The following ATP2B2 variants were observed in gnomAD, a reference collection of about 807,000 sequenced individuals.
ATP2B2 encodes the protein plasma membrane calcium-transporting ATPase 2.
A neutral mutation model predicts 120.0 loss-of-function variants in ATP2B2; 15 were observed. That is an observed-to-expected ratio of 0.12 (90% confidence interval 0.08 to 0.19). ATP2B2 has a LOEUF of 0.19. ATP2B2 is among the 10% of genes least tolerant of loss of function. The pLI is 1.00. For synonymous variants in ATP2B2, 694 were observed against 700.3 expected (o/e 0.99, Z 0.14); for missense variants, 1,045 against 1,719.8 (o/e 0.61, Z 6.94).
intron 22 of ATP2B2, among the ~76,000 whole-genome samples, chr3:10,334,981 G>A (rs756112539): frequency 1.3e-5 from 2 of 152,218 alleles, no homozygotes; most frequent in South Asian, 2.1e-4. Context: ...GATCAGAAGC[G>A]CCTGACTGGA....
chr3:10,383,856 T>C (rs1222715537), intron 8 of ATP2B2, among the ~76,000 whole-genome samples: 2 of 152,222 alleles, frequency 1.3e-5, no homozygotes, highest in Non-Finnish European at 1.5e-5. Flanking sequence ...CTGCCCTTTT[T>C]TCTGAGACTG....
At chr3:10,363,886 C>T (rs1387030887) in intron 12 of ATP2B2, among the ~76,000 whole-genome samples, 1 of 152,076 alleles carries the variant, frequency 6.6e-6, no homozygotes, top group Non-Finnish European at 1.5e-5. Flanking sequence ...GGGAATATGC[C>T]CCAAATAATT....
chr3:10,625,594 G>C (rs370479488), intron 1 of ATP2B2, among the ~76,000 whole-genome samples: 4 of 152,202 alleles, frequency 2.6e-5, no homozygotes, highest in African/African-American at 7.2e-5. Context: ...TTGTGGAGGA[G>C]GGGGAGGTGT....
chr3:10,403,842 A>G (rs557603882), intron 3 of ATP2B2, among the ~76,000 whole-genome samples: 21 of 152,298 alleles, frequency 1.4e-4, no homozygotes, highest in Non-Finnish European at 2.8e-4. Context: ...TTGGATCCAG[A>G]TCTGGGATCT....
chr3:10,698,871 T>C (rs939189516), intron 1 of ATP2B2, among the ~76,000 whole-genome samples: 6 of 152,240 alleles, frequency 3.9e-5, no homozygotes, highest in Admixed American at 2.0e-4. Context: ...AGGGTGGTGG[T>C]GAGGCTCCAA....
At chr3:10,542,758 G>C (rs1200079046) in intron 2 of ATP2B2, among the ~76,000 whole-genome samples, 1 of 152,164 alleles carries the variant, frequency 6.6e-6, no homozygotes, top group Admixed American at 6.5e-5. Flanking sequence ...CTGCCTTCAA[G>C]ATTTTTGTTT....
rs548573176 is a variant in ATP2B2 at position 10,358,537 on chromosome 3, G to T, written c.2136+154C>A. Among the ~76,000 whole-genome samples, 3 of 152,328 alleles carry T rather than the reference G, an allele frequency of 2.0e-5. No individual in the cohort carries two copies. In the East Asian group the frequency reaches 5.8e-4, roughly 29 times the overall value. On this transcript the variant is annotated intron_variant, in intron 14 of 22. Coordinates refer to ENST00000360273, the MANE Select transcript of ATP2B2 (RefSeq NM_001001331.4). Reference sequence around the variant, plus strand: ...ATGTGGTCTACACTGTTTCTCATGGGCAATCCTCTTATGAGGATCAAGGAA... The same window carrying T: ...ATGTGGTCTACACTGTTTCTCATGGTCAATCCTCTTATGAGGATCAAGGAA...
chr3:10,438,208 C>T (rs1464521856), intron 2 of ATP2B2, among the ~76,000 whole-genome samples: 2 of 152,188 alleles, frequency 1.3e-5, no homozygotes, highest in Non-Finnish European at 2.9e-5. Context: ...CCTTCCAGAC[C>T]TGTTGTCTCA....
At chr3:10,468,177 T>C (rs1351685282) in intron 1 of ATP2B2, among the ~76,000 whole-genome samples, 1 of 152,198 alleles carries the variant, frequency 6.6e-6, no homozygotes, top group Non-Finnish European at 1.5e-5. Context: ...CCAGTGTCCA[T>C]GTGGGCTGTG....
chr3:10,507,932 G>A (rs999421231), upstream of ATP2B2, among the ~76,000 whole-genome samples: 6 of 116,592 alleles, frequency 5.1e-5, no homozygotes, highest in East Asian at 3.5e-4. Flanking sequence ...GCCTGCATGC[G>A]CAGGCCATCA....
chr3:10,557,561 G>A (rs1328985758), intron 2 of ATP2B2, among the ~76,000 whole-genome samples: 5 of 152,178 alleles, frequency 3.3e-5, no homozygotes, highest in African/African-American at 9.7e-5. Flanking sequence ...AGAGGAGCAG[G>A]CACTGGAGCT....
intron 2 of ATP2B2, among the ~76,000 whole-genome samples, chr3:10,596,313 G>A (rs1193182305): frequency 6.6e-6 from 1 of 152,174 alleles, no homozygotes; most frequent in Non-Finnish European, 1.5e-5. Context: ...TAGAACCAAA[G>A]TTCTATGAGG....
At chr3:10,707,307 G>A (rs1033470499) in intron 1 of ATP2B2, among the ~76,000 whole-genome samples, 1 of 152,208 alleles carries the variant, frequency 6.6e-6, no homozygotes, top group African/African-American at 2.4e-5. Context: ...CAGGAGGAGG[G>A]GAGCTAGGAA....
intron 1 of ATP2B2, among the ~76,000 whole-genome samples, chr3:10,673,826 A>AG (rs1198109428): frequency 1.3e-5 from 2 of 150,724 alleles, no homozygotes; most frequent in East Asian, 3.9e-4. Flanking sequence ...AAAAAAAAAA[A>AG]AAGAAGGAAA....
chr3:10,599,085 C>T (rs986762859), intron 2 of ATP2B2, among the ~76,000 whole-genome samples: 3 of 152,316 alleles, frequency 2.0e-5, no homozygotes, highest in South Asian at 2.1e-4. Flanking sequence ...CCAGGGGGAG[C>T]GGAAGCAAGC....
At chr3:10,570,138 T>C (rs1228948370) in intron 2 of ATP2B2, 1 of 152,238 alleles carries the variant, frequency 6.6e-6, no homozygotes, top group Non-Finnish European at 1.5e-5. Context: ...TTGAAGAAGC[T>C]GCAGATGCCT....
At chr3:10,444,409 C>T (rs948230388) in intron 2 of ATP2B2, among the ~76,000 whole-genome samples, 4 of 152,222 alleles carry the variant, frequency 2.6e-5, no homozygotes, top group African/African-American at 2.4e-5. Context: ...GCCCCATGGA[C>T]GTTCTCGTTC....
chr3:10,535,303 T>G (rs12714854), intron 2 of ATP2B2, among the ~76,000 whole-genome samples: 34,070 of 151,976 alleles, frequency 0.22, 5,014 homozygotes, highest in East Asian at 0.61. Context: ...CTTCCCCAAG[T>G]TTAACTTGCA....
rs773727996 is a variant in ATP2B2 at position 10,342,999 on chromosome 3, C to T, written c.2704-34G>A. ...GGGCAGGAGAGGGCTGTCACCTGTG[C>T]GCCCACCTGCTGCTGTGAAGTGCTG... On this transcript the variant is annotated intron_variant, in intron 18 of 22. Coordinates refer to ENST00000360273, the MANE Select transcript of ATP2B2 (RefSeq NM_001001331.4). This position sits in a 1 kb window ranked among gnomAD's most constrained non-coding sequence, Gnocchi z 4.4. 13 of 1,600,910 alleles carry T rather than the reference C, an allele frequency of 8.1e-6. No homozygotes were observed. Among genetic ancestry groups the T allele is most frequent in the Admixed American group, 5.0e-5 (3 of 59,956 alleles).
Sources: gnomAD v4.1 joint callset for allele counts (sites outside exome capture counted in the v4.1 genomes callset) on GRCh38, gnomAD v4.1.1 for gene constraint, Gnocchi (gnomAD v3.1) non-coding constraint, MANE v1.5 for transcripts, NCBI Gene and HGNC (gene_info 2026-07-23, HGNC 2026-07-21) for gene names.